TRHDE: variants seen among roughly 807,000 people sequenced by gnomAD.
The protein encoded by TRHDE is thyrotropin-releasing hormone-degrading ectoenzyme.
TRHDE carries 72 observed loss-of-function variants against 125.7 expected under a neutral mutation model. The observed-to-expected ratio is 0.57, with a 90% CI of 0.47 to 0.70. TRHDE has a LOEUF of 0.70. TRHDE is among the 30% of genes least tolerant of loss of function. The pLI is 0.00. For synonymous variants in TRHDE, 509 were observed against 509.1 expected (o/e 1.00, Z 0.00); for missense variants, 1,110 against 1,327.1 (o/e 0.84, Z 2.54).
intron 2 of TRHDE, among the ~76,000 whole-genome samples, chr12:72,165,394 C>A (rs1311106110): frequency 2.6e-5 from 4 of 152,086 alleles, no homozygotes; most frequent in Non-Finnish European, 5.9e-5. Flanking sequence ...TCAGATCTTT[C>A]AGCAATTATT....
intron 7 of TRHDE, among the ~76,000 whole-genome samples, chr12:72,558,640 G>A (rs1031599882): frequency 1.1e-4 from 17 of 152,148 alleles, no homozygotes; most frequent in African/African-American, 4.1e-4. Context: ...AGAAGCAAGG[G>A]CAGCTGTCAT....
At chr12:72,292,938 G>A (rs1880143459) in intron 2 of TRHDE, among the ~76,000 whole-genome samples, 1 of 152,150 alleles carries the variant, frequency 6.6e-6, no homozygotes. Context: ...GGTTTGGGTG[G>A]TACAGAGCAG....
In TRHDE at chr12:72,291,996, T is replaced by A. The variant is rs139206454; in HGVS notation, c.1188+5042T>A. ...TTCAGCCCAAGCAGGTACACTTATG[T>A]TAAAAAATGTTGGCTTTTTATGTAT... On this transcript the variant is annotated intron_variant, in intron 2 of 18. Transcript: ENST00000261180. Among the ~76,000 whole-genome samples, 88 of 152,362 alleles carry A rather than the reference T, an allele frequency of 5.8e-4. No homozygotes were observed. In the East Asian group the frequency reaches 0.013, roughly 22 times the overall value.
intron 16 of TRHDE, 125 bp from the exon 17 acceptor site, chr12:72,652,891 T>G (rs1874561478): frequency 1.7e-6 from 1 of 578,122 alleles, no homozygotes; most frequent in Non-Finnish European, 2.8e-6. Flanking sequence ...AAGTTTGCAT[T>G]ATTAAAGATT....
chr12:72,555,176 C>CT (rs1341817181), intron 7 of TRHDE, among the ~76,000 whole-genome samples: 2 of 152,056 alleles, frequency 1.3e-5, no homozygotes, highest in East Asian at 1.9e-4. Flanking sequence ...TGTAAAATGC[C>CT]TTTTTTGTTC....
rs575437521 is a variant in TRHDE, at chr12:72,454,034, C to T, written c.1316-15724C>T. Among the ~76,000 whole-genome samples the T allele has an allele frequency of 3.9e-5, 6 of 152,282 alleles. No homozygotes were observed. The South Asian group carries it at 1.0e-3, about 26-fold the overall frequency. The stretch of plus-strand genomic sequence containing the variant: ...CACTACTACCAGATATTTTTGAGTA[C>T]ACTTGTTCTGACTTAGCTGAATTTA... On this transcript the variant is annotated intron_variant, in intron 3 of 18. Transcript: ENST00000261180.
At chr12:72,458,167 A>G (rs955363854) in intron 3 of TRHDE, among the ~76,000 whole-genome samples, 7 of 152,150 alleles carry the variant, frequency 4.6e-5, no homozygotes, top group African/African-American at 1.7e-4. Flanking sequence ...TGTGTAAAAT[A>G]TTTTACAATT....
intron 2 of TRHDE, among the ~76,000 whole-genome samples, chr12:72,319,111 T>C (rs1225100142): frequency 6.6e-6 from 1 of 152,028 alleles, no homozygotes; most frequent in Non-Finnish European, 1.5e-5. Context: ...AATACAGGAA[T>C]AGAAAAGCAC....
chr12:72,096,504 G>T (rs142998957), intron 1 of TRHDE, among the ~76,000 whole-genome samples: 3 of 152,130 alleles, frequency 2.0e-5, no homozygotes, highest in Non-Finnish European at 4.4e-5. Flanking sequence ...ACCTATTGAA[G>T]GCTAAGATCA....
At chr12:72,623,938 C>A (rs1411711292) in intron 15 of TRHDE, among the ~76,000 whole-genome samples, 1 of 151,978 alleles carries the variant, frequency 6.6e-6, no homozygotes, top group Admixed American at 6.6e-5. Context: ...AAACAAGATT[C>A]TTTTGTCATT....
chr12:72,153,593 G>A (rs920286616), intron 2 of TRHDE, among the ~76,000 whole-genome samples: 1 of 152,138 alleles, frequency 6.6e-6, no homozygotes, highest in Non-Finnish European at 1.5e-5. Context: ...CTGGTATGTT[G>A]TGTCTTTGTT....
intron 2 of TRHDE, among the ~76,000 whole-genome samples, chr12:72,217,757 T>A (rs1877922839): frequency 1.3e-5 from 2 of 152,122 alleles, no homozygotes; most frequent in Non-Finnish European, 2.9e-5. Context: ...AACATAAAAA[T>A]TTTAAAAACA....
rs1816632069 is a variant in TRHDE, at chr12:72,238,333, T to TATATATATATATATATAC, written n.279+132582_279+132583insTATATATATATATATACA. Among the ~76,000 whole-genome samples the TATATATATATATATATAC allele has an allele frequency of 6.6e-5, 2 of 30,484 alleles. 1 individual carries two copies. Among genetic ancestry groups the TATATATATATATATATAC allele is most frequent in the South Asian group, 2.3e-3 (2 of 882 alleles). 20.0% of individuals were successfully genotyped at this position (30,484 alleles called of 152,430 possible). On this transcript the variant is annotated intron_variant and non_coding_transcript_variant, in intron 2 of 4. Coordinates refer to the TRHDE transcript ENST00000548156. The stretch of plus-strand genomic sequence containing the variant: ...ATATATATATATATACATATATATA[T>TATATATATATATATATAC]ACACATTATATATATATATATATAT...
At chr12:72,446,664 A>T (rs1875301942) in intron 3 of TRHDE, among the ~76,000 whole-genome samples, 1 of 152,124 alleles carries the variant, frequency 6.6e-6, no homozygotes, top group Non-Finnish European at 1.5e-5. Flanking sequence ...ATGGAGGAAG[A>T]TCTACCAAGC....
rs746552999 is a variant in TRHDE at position 72,517,950 on chromosome 12, C to T, written c.1722+18315C>T. ...GTTGTTCAGTTTCCATGTAATTGAG[C>T]GGTTTTGAGTGAGATTCTTAATCCT... On this transcript the variant is annotated intron_variant, in intron 6 of 18. Coordinates refer to ENST00000261180, the MANE Select transcript of TRHDE (RefSeq NM_013381.3). Among the ~76,000 whole-genome samples, 570 of 150,476 alleles carry T rather than the reference C, an allele frequency of 3.8e-3. 13 individuals are homozygous for T. Among genetic ancestry groups the T allele is most frequent in the South Asian group, 9.4e-3 (45 of 4,786 alleles).
At chr12:72,551,361 C>G (rs142826271) in intron 7 of TRHDE, among the ~76,000 whole-genome samples, 29 of 152,242 alleles carry the variant, frequency 1.9e-4, no homozygotes, top group African/African-American at 7.0e-4. Flanking sequence ...ATCTAATTTT[C>G]TTTTCCAATC....
intron 2 of TRHDE, among the ~76,000 whole-genome samples, chr12:72,324,299 C>T (rs754319222): frequency 6.6e-6 from 1 of 151,962 alleles, no homozygotes; most frequent in African/African-American, 2.4e-5. Flanking sequence ...TGTGTCAGAG[C>T]CAGGACTAGA....
intron 2 of TRHDE, among the ~76,000 whole-genome samples, chr12:72,165,734 G>T (rs1298428171): frequency 6.6e-6 from 1 of 151,868 alleles, no homozygotes; most frequent in Non-Finnish European, 1.5e-5. Flanking sequence ...AGGGTCAGGG[G>T]CACGATCTTG....
intron 2 of TRHDE, among the ~76,000 whole-genome samples, chr12:72,318,721 T>C (rs1868930758): frequency 6.6e-6 from 1 of 152,058 alleles, no homozygotes; most frequent in African/African-American, 2.4e-5. Context: ...AAGTTATTTT[T>C]TTTTGTGCCT....
Sources: gnomAD v4.1 joint callset for allele counts (sites outside exome capture counted in the v4.1 genomes callset) on GRCh38, gnomAD v4.1.1 for gene constraint, MANE v1.5 for transcripts, NCBI Gene and HGNC (gene_info 2026-07-23, HGNC 2026-07-21) for gene names.